Variants in IGFBP2 observed in about 807,000 individuals in gnomAD.
IGFBP2 encodes the protein insulin-like growth factor-binding protein 2.
Under a neutral mutation model 26.2 loss-of-function variants are expected in IGFBP2, and 12 were observed. The ratio of observed to expected loss-of-function variants is 0.46; its 90% confidence interval spans 0.29 to 0.74. IGFBP2 has a LOEUF of 0.74. IGFBP2 is among the 30% of genes least tolerant of loss of function. The pLI is 0.09. For synonymous variants in IGFBP2, 189 were observed against 200.6 expected (o/e 0.94, Z 0.49); for missense variants, 328 against 441.2 (o/e 0.74, Z 2.30).
At position 216,663,046 on chromosome 2, in the gene IGFBP2, G is replaced by C. The variant is rs559755751; in HGVS notation, c.814-894G>C. The C allele has an allele frequency of 5.0e-4, 76 of 152,358 alleles. 1 individual carries two copies. Among genetic ancestry groups the C allele is most frequent in the African/African-American group, 1.8e-3 (75 of 41,578 alleles). The allele number at this position is 152,358 out of a possible 1,614,324, so 9.4% of individuals were successfully genotyped here. A position where few individuals can be genotyped will look rare whatever the true frequency, so the allele number is the denominator to read the frequency against. On this transcript the variant is annotated intron_variant, in intron 3 of 3. Transcript: ENST00000233809. ...GCAGTCTGGGCTGACCTAAAGTGTG[G>C]ATGTGTGAAGCCAGGAGATGGGAAC...
chr2:216,653,895 A>G (rs1697871561), intron 1 of IGFBP2, among the ~76,000 whole-genome samples: 1 of 152,174 alleles, frequency 6.6e-6, no homozygotes, highest in Admixed American at 6.5e-5. Context: ...CTACAGGGAA[A>G]GTCTCTTCAG....
intron 1 of IGFBP2, among the ~76,000 whole-genome samples, chr2:216,655,752 A>G (rs1697908048): frequency 6.6e-6 from 1 of 152,050 alleles, no homozygotes; most frequent in African/African-American, 2.4e-5. Flanking sequence ...AATATTAACC[A>G]GGCGTGGTGA....
At chr2:216,660,989 G>A (rs1688630212) in intron 2 of IGFBP2, 1 of 586,248 alleles carries the variant, frequency 1.7e-6, no homozygotes, top group Non-Finnish European at 3.0e-6. Context: ...TGGACATGTG[G>A]TTTCTTGATG....
At chr2:216,648,650 C>T (rs927980252) in intron 1 of IGFBP2, among the ~76,000 whole-genome samples, 2 of 152,082 alleles carry the variant, frequency 1.3e-5, no homozygotes, top group Admixed American at 6.5e-5. Context: ...CACTCTGTCA[C>T]CCAGGCTGGA....
At chr2:216,652,234 C>T (rs1453846224) in intron 1 of IGFBP2, among the ~76,000 whole-genome samples, 7 of 146,348 alleles carry the variant, frequency 4.8e-5, no homozygotes, top group East Asian at 4.1e-4. Context: ...AGCGCAATGG[C>T]GCGATCTTGG....
intron 1 of IGFBP2, among the ~76,000 whole-genome samples, chr2:216,644,557 G>A (rs1056647699): frequency 6.6e-6 from 1 of 152,066 alleles, no homozygotes; most frequent in Non-Finnish European, 1.5e-5. Flanking sequence ...TGAGAAGAGG[G>A]GGGTGTTTCA....
intron 1 of IGFBP2, among the ~76,000 whole-genome samples, chr2:216,657,001 G>T (rs979239707): frequency 6.6e-6 from 1 of 152,144 alleles, no homozygotes; most frequent in East Asian, 1.9e-4. Context: ...GATGCCAAGG[G>T]TGATCTCAGG....
rs763391564 is a variant in IGFBP2 at position 216,633,767 on chromosome 2, C to G, written c.244C>G (p.Pro82Ala). 1 of 1,357,706 alleles carries G rather than the reference C, an allele frequency of 7.4e-7. No individual in the cohort carries two copies. Among genetic ancestry groups the G allele is most frequent in the South Asian group, 1.8e-5 (1 of 56,550 alleles). The allele number at this position is 1,357,706 out of a possible 1,614,324, so 84.1% of individuals were successfully genotyped here. The change falls in exon 1 of 4, where the codon CCG becomes GCG. Residue 82 changes from proline (P) to alanine (A), a missense_variant. Physicochemically the swap from Pro to Ala is conservative, Grantham distance 27 (BLOSUM62 -1). Transcript: ENST00000233809. ...RMPCAELVREPGCGCCSVCAR... is the reference protein window; with the variant it reads ...RMPCAELVREAGCGCCSVCAR... Reference sequence around the variant, plus strand: ...GCCATGCGCGGAGCTCGTCCGGGAGCCGGGCTGCGGCTGCTGCTCGGTGTG... The same window carrying G: ...GCCATGCGCGGAGCTCGTCCGGGAGGCGGGCTGCGGCTGCTGCTCGGTGTG...
chr2:216,656,534 A>G (rs1391034191), intron 1 of IGFBP2, among the ~76,000 whole-genome samples: 1 of 152,204 alleles, frequency 6.6e-6, no homozygotes. Context: ...TTGGCAACGA[A>G]TGAAGACACA....
chr2:216,637,168 C>G (rs780905718), intron 1 of IGFBP2, among the ~76,000 whole-genome samples: 1 of 152,192 alleles, frequency 6.6e-6, no homozygotes. Flanking sequence ...GATCTACTGT[C>G]ACTGATTGTT....
chr2:216,659,777 A>G (rs1038095495), intron 1 of IGFBP2: 3 of 1,522,564 alleles, frequency 2.0e-6, no homozygotes, highest in Non-Finnish European at 2.6e-6. Context: ...CGAAGGAGTC[A>G]TAGTTCCTGT....
chr2:216,644,804 A>G (rs985238712), intron 1 of IGFBP2, among the ~76,000 whole-genome samples: 3 of 152,232 alleles, frequency 2.0e-5, no homozygotes, highest in African/African-American at 7.2e-5. Flanking sequence ...TCCACTTAAC[A>G]AATGAAGAAA....
chr2:216,640,407 A>G (rs961030477), intron 1 of IGFBP2, among the ~76,000 whole-genome samples: 38 of 152,168 alleles, frequency 2.5e-4, no homozygotes, highest in Admixed American at 9.2e-4. Context: ...GTTTGAATTC[A>G]TGAGGGAAGC....
rs143672936 is a variant in IGFBP2, at chr2:216,658,526, T to TTTTATTTA, written c.443-1999_443-1992dup. Among the ~76,000 whole-genome samples the TTTTATTTA allele has an allele frequency of 2.5e-4, 37 of 146,386 alleles. No homozygotes were observed. The East Asian group carries it at 6.8e-3, about 27-fold the overall frequency. On this transcript the variant is annotated intron_variant, in intron 1 of 3. Transcript: ENST00000233809. ...TAGAATTTCTGTGCTCCAGGTCGTC[T>TTTTATTTA]TTTATTTATTTATTTATTTATTTAT...
intron 1 of IGFBP2, among the ~76,000 whole-genome samples, chr2:216,643,961 A>G (rs1458582587): frequency 6.6e-6 from 1 of 151,844 alleles, no homozygotes; most frequent in South Asian, 2.1e-4. Flanking sequence ...AGAATGGACC[A>G]TCTCCCTATG....
intron 1 of IGFBP2, among the ~76,000 whole-genome samples, chr2:216,654,538 G>A (rs1336894935): frequency 1.3e-5 from 2 of 152,312 alleles, no homozygotes; most frequent in African/African-American, 4.8e-5. Flanking sequence ...ACAGTAACAA[G>A]GAATGCAGGC....
chr2:216,634,347 G>A (rs1697450134), intron 1 of IGFBP2, among the ~76,000 whole-genome samples: 1 of 152,114 alleles, frequency 6.6e-6, no homozygotes, highest in Admixed American at 6.5e-5. Flanking sequence ...GGACCCAAGG[G>A]TCCTGGTGGG....
chr2:216,639,313 G>A (rs1252012006), intron 1 of IGFBP2, among the ~76,000 whole-genome samples: 1 of 152,156 alleles, frequency 6.6e-6, no homozygotes, highest in Non-Finnish European at 1.5e-5. Context: ...TGGGATTACA[G>A]GCATGAGCTA....
At chr2:216,662,112 G>A in intron 3 of IGFBP2, 114 bp downstream of exon 3, 1 of 1,186,000 alleles carries the variant, frequency 8.4e-7, no homozygotes, top group Non-Finnish European at 1.2e-6. Flanking sequence ...CTGAGTGAGA[G>A]ACTCAGACTC....
Sources: allele counts gnomAD v4.1 joint callset (sites outside exome capture counted in the v4.1 genomes callset), GRCh38; gene constraint gnomAD v4.1.1; transcripts MANE v1.5; gene names NCBI Gene and HGNC (gene_info 2026-07-23, HGNC 2026-07-21).